PRH1: variants seen among roughly 807,000 people sequenced by gnomAD.
PRH1 encodes the protein proline rich protein HaeIII subfamily 1.
Under a neutral mutation model 7.9 loss-of-function variants are expected in PRH1, and 7 were observed. The observed-to-expected ratio is 0.89, with a 90% confidence interval of 0.50 to 1.67. The LOEUF is 1.67. Ranked by LOEUF, PRH1 falls within the 40% of genes most tolerant of loss-of-function variation. The pLI is 0.00. For synonymous variants in PRH1, 45 were observed against 80.8 expected (o/e 0.56, Z 2.38); for missense variants, 109 against 223.6 (o/e 0.49, Z 3.27).
intron 1 of PRH1, among the ~76,000 whole-genome samples, chr12:11,091,126 A>ATATATATATATATATATATG (rs1944873417): frequency 1.2e-5 from 1 of 84,980 alleles, no homozygotes; most frequent in South Asian, 3.1e-4. Context: ...ATATATATAT[A>ATATATATATATATATATATG]TATATATATA....
At chr12:10,999,026 C>A (rs1940446146) in intron 1 of PRH1, among the ~76,000 whole-genome samples, 1 of 152,048 alleles carries the variant, frequency 6.6e-6, no homozygotes. Context: ...CTTAAATCGG[C>A]CAAACTCTAA....
chr12:10,975,644 G>A (rs1038996230), intron 1 of PRH1, among the ~76,000 whole-genome samples: 13 of 151,918 alleles, frequency 8.6e-5, no homozygotes, highest in East Asian at 5.8e-4. Flanking sequence ...ATAAAAAAGC[G>A]TAGCCTAATG....
chr12:10,908,643 T>C (rs772862867), intron 2 of PRH1: 4 of 1,613,918 alleles, frequency 2.5e-6, no homozygotes, highest in Non-Finnish European at 3.4e-6. Context: ...GGGGTCTCTG[T>C]GTCCTTTGTA....
chr12:11,066,328 G>T (rs568082536), intron 1 of PRH1, among the ~76,000 whole-genome samples: 6 of 152,230 alleles, frequency 3.9e-5, no homozygotes, highest in African/African-American at 9.6e-5. Context: ...ATAAAAGCTA[G>T]CTCATAAAAT....
intron 1 of PRH1, among the ~76,000 whole-genome samples, chr12:11,035,672 C>T (rs1187435253): frequency 6.6e-6 from 1 of 152,104 alleles, no homozygotes; most frequent in Non-Finnish European, 1.5e-5. Context: ...AAGATCTAGG[C>T]ATTCTCCTGC....
chr12:11,030,275 G>T, intron 1 of PRH1: 1 of 1,370,216 alleles, frequency 7.3e-7, no homozygotes, highest in Non-Finnish European at 9.7e-7. Context: ...TAGGTCAAAG[G>T]CTTTTCTAGG....
chr12:10,901,804 G>A (rs1474219996), intron 2 of PRH1, among the ~76,000 whole-genome samples: 1 of 105,426 alleles, frequency 9.5e-6, no homozygotes, highest in Non-Finnish European at 2.2e-5. Flanking sequence ...AGGAGGGAGG[G>A]GGAATGGAAA....
chr12:10,884,549 A>G (rs1005539106), upstream of PRH1, among the ~76,000 whole-genome samples: 1 of 152,088 alleles, frequency 6.6e-6, no homozygotes, highest in Non-Finnish European at 1.5e-5. Flanking sequence ...TTGGTTTTCA[A>G]TCTGTTTGGA....
upstream of PRH1, among the ~76,000 whole-genome samples, chr12:10,885,064 C>T (rs998578101): frequency 6.6e-6 from 1 of 152,170 alleles, no homozygotes; most frequent in African/African-American, 2.4e-5. Context: ...TAGCTAAGAC[C>T]TCCACTTTCT....
chr12:11,035,902 G>A (rs1942415368), intron 1 of PRH1, among the ~76,000 whole-genome samples: 1 of 152,052 alleles, frequency 6.6e-6, no homozygotes, highest in South Asian at 2.1e-4. Context: ...GCTTTGTTTT[G>A]TTTTGTTTTT....
chr12:11,114,975 A>T (rs763550248), intron 1 of PRH1, among the ~76,000 whole-genome samples: 12 of 152,188 alleles, frequency 7.9e-5, no homozygotes, highest in Non-Finnish European at 1.6e-4. Context: ...ATAGGAAGGT[A>T]GGAAAGAAAG....
chr12:11,127,025 T>C (rs988328555), intron 1 of PRH1, among the ~76,000 whole-genome samples: 1 of 152,214 alleles, frequency 6.6e-6, no homozygotes, highest in African/African-American at 2.4e-5. Flanking sequence ...CCTTAATTTC[T>C]ATGTGCTCCT....
chr12:10,930,358 T>C (rs1950186844), intron 2 of PRH1: 4 of 1,575,072 alleles, frequency 2.5e-6, no homozygotes, highest in Middle Eastern at 1.7e-4. Context: ...CCTGAAAAAT[T>C]GATCAGTTCT....
intron 1 of PRH1, chr12:11,031,128 C>G (rs1223580378): frequency 1.2e-6 from 2 of 1,614,268 alleles, no homozygotes; most frequent in Non-Finnish European, 1.7e-6. Context: ...GGATTAAACA[C>G]AGTTGAATAC....
intron 1 of PRH1, among the ~76,000 whole-genome samples, chr12:11,145,160 C>T (rs1244154710): frequency 5.3e-5 from 8 of 152,150 alleles, no homozygotes; most frequent in African/African-American, 1.2e-4. Context: ...TCCGAACCTA[C>T]ACATGTGCCT....
At chr12:11,014,727 C>G (rs533686603) in intron 1 of PRH1, among the ~76,000 whole-genome samples, 2 of 142,706 alleles carry the variant, frequency 1.4e-5, no homozygotes, top group East Asian at 4.6e-4. Context: ...ATATTCAGGA[C>G]GTATTCATAC....
intron 2 of PRH1, among the ~76,000 whole-genome samples, chr12:10,946,882 A>G (rs553346089): frequency 6.6e-6 from 1 of 151,756 alleles, no homozygotes; most frequent in South Asian, 2.1e-4. Flanking sequence ...TTCAGACTTA[A>G]ATTTATCTAA....
intron 1 of PRH1, among the ~76,000 whole-genome samples, chr12:11,056,249 A>G (rs555023476): frequency 6.6e-6 from 1 of 152,170 alleles, no homozygotes; most frequent in East Asian, 1.9e-4. Context: ...CACTTAAAAA[A>G]CATGTTTTCC....
intron 1 of PRH1, among the ~76,000 whole-genome samples, chr12:11,001,367 C>T (rs1289217504): frequency 6.6e-6 from 1 of 152,122 alleles, no homozygotes; most frequent in Non-Finnish European, 1.5e-5. Context: ...CTTCAAACTT[C>T]TTCACTATCA....
Sources: allele counts gnomAD v4.1 joint callset (sites outside exome capture counted in the v4.1 genomes callset), GRCh38; gene constraint gnomAD v4.1.1; transcripts MANE v1.5; gene names NCBI Gene and HGNC (gene_info 2026-07-23, HGNC 2026-07-21).